ARHGEF10: variants seen among roughly 807,000 people sequenced by gnomAD.
The protein encoded by ARHGEF10 is Rho guanine nucleotide exchange factor 10.
In ARHGEF10, 140 loss-of-function variants were observed where a neutral mutation model predicts 147.4. That is an observed-to-expected ratio of 0.95 (90% CI 0.83 to 1.09). The LOEUF is 1.09. Ranked by LOEUF, ARHGEF10 falls within the 50% of genes least tolerant of loss-of-function variation. The pLI is 0.00. For synonymous variants in ARHGEF10, 902 were observed against 695.8 expected (o/e 1.30, Z -4.67); for missense variants, 2,222 against 1,752.7 (o/e 1.27, Z -4.78).
intron 21 of ARHGEF10, among the ~76,000 whole-genome samples, chr8:1,924,224 G>T (rs1227482585): frequency 6.6e-6 from 1 of 152,138 alleles, no homozygotes. Context: ...TGGCAGGGGG[G>T]TCATTGTTCC....
In ARHGEF10 at chr8:1,828,793, A is replaced by G. The variant is rs190542336; in HGVS notation, c.-48+4680A>G. On this transcript the variant is annotated intron_variant, in intron 1 of 28. Transcript: ENST00000349830. ...CACACTTACTGTTTTAAGGAATTAC[A>G]TTTTGATAAACCGTGGCATGCACAC... Among the ~76,000 whole-genome samples, 1,857 of 150,930 alleles carry G rather than the reference A, an allele frequency of 0.012. 27 individuals are homozygous for G. The East Asian group carries it at 0.13, about 10-fold the overall frequency.
At chr8:1,866,466 G>T in intron 5 of ARHGEF10, 60 bp from the exon 6 acceptor site, 1 of 1,454,472 alleles carries the variant, frequency 6.9e-7, no homozygotes, top group Non-Finnish European at 9.6e-7. Flanking sequence ...AGGGCAGTTG[G>T]CATCCTAGTG....
At chr8:1,930,644 C>T (rs955608194) in intron 25 of ARHGEF10, among the ~76,000 whole-genome samples, 6 of 152,168 alleles carry the variant, frequency 3.9e-5, no homozygotes, top group Non-Finnish European at 8.8e-5. Flanking sequence ...GAGTTCCTCC[C>T]TCCTTAGAAA....
chr8:1,912,951 G>T (rs1018590512), intron 18 of ARHGEF10, among the ~76,000 whole-genome samples: 1 of 152,156 alleles, frequency 6.6e-6, no homozygotes, highest in Non-Finnish European at 1.5e-5. Flanking sequence ...CCACCCGGCC[G>T]CTGTTCCTTC....
chr8:1,930,695 C>T (rs920347138), intron 25 of ARHGEF10, among the ~76,000 whole-genome samples: 2 of 152,232 alleles, frequency 1.3e-5, no homozygotes, highest in South Asian at 2.1e-4. Flanking sequence ...GTTATTTGCC[C>T]CCGGACTTTG....
In ARHGEF10 at chr8:1,880,225, G is replaced by A. The variant is rs529640361; in HGVS notation, c.960+61G>A. The A allele has an allele frequency of 6.5e-5, 78 of 1,205,952 alleles. No individual in the cohort carries two copies. In the East Asian group the frequency reaches 7.0e-4, roughly 11 times the overall value. 74.7% of individuals were successfully genotyped at this position (1,205,952 alleles called of 1,614,324 possible). ...CAGCCGGGCAGTAAAGAAAAACCGC[G>A]CGGCTCGGTCGGTCCTTGCTGTCTC... On this transcript the variant is annotated intron_variant, in intron 9 of 28. Coordinates refer to ENST00000349830, the MANE Select transcript of ARHGEF10 (RefSeq NM_014629.4).
intron 1 of ARHGEF10, among the ~76,000 whole-genome samples, chr8:1,842,764 A>C (rs1030381617): frequency 6.6e-6 from 1 of 152,150 alleles, no homozygotes. Context: ...TCTAGCTCAC[A>C]CTCAAACTGG....
At chr8:1,891,834 A>G (rs959609622) in intron 11 of ARHGEF10, among the ~76,000 whole-genome samples, 1 of 152,128 alleles carries the variant, frequency 6.6e-6, no homozygotes, top group Non-Finnish European at 1.5e-5. Context: ...TGCAGTAGCC[A>G]TGAAACCCAG....
At position 1,939,193 on chromosome 8, in the gene ARHGEF10, C is replaced by T. The variant is rs138001818; in HGVS notation, c.3222+5251C>T. ...CAGAATCACACAATTTCAAGGCAAA[C>T]GGAGACTTAGAGATCCTGTGGCCCA... On this transcript the variant is annotated intron_variant, in intron 26 of 28. Transcript: ENST00000349830. Among the ~76,000 whole-genome samples, 21 of 152,340 alleles carry T rather than the reference C, an allele frequency of 1.4e-4. No individual in the cohort carries two copies. The East Asian group carries it at 1.9e-3, about 14-fold the overall frequency.
At chr8:1,830,876 A>G (rs1469769916) in intron 1 of ARHGEF10, among the ~76,000 whole-genome samples, 1 of 152,224 alleles carries the variant, frequency 6.6e-6, no homozygotes, top group Non-Finnish European at 1.5e-5. Flanking sequence ...CATTGCCTGA[A>G]ATGCCACTGG....
rs537206657 is a variant in ARHGEF10, at chr8:1,928,668, C to T, written c.2921+18C>T. ...GAGGGAAGGTAGGGCATGCTCACTG[C>T]GTTACAGAGAATTAGCAAGCTCTGC... On this transcript the variant is annotated intron_variant, in intron 24 of 28. Coordinates refer to ENST00000349830, the MANE Select transcript of ARHGEF10 (RefSeq NM_014629.4). The T allele has an allele frequency of 9.3e-6, 15 of 1,612,422 alleles. No individual in the cohort carries two copies. The East Asian group carries it at 1.1e-4, about 12-fold the overall frequency.
intron 26 of ARHGEF10, among the ~76,000 whole-genome samples, chr8:1,942,756 A>G (rs1014001603): frequency 2.6e-5 from 4 of 152,228 alleles, no homozygotes; most frequent in Admixed American, 1.3e-4. Context: ...TTTCAGCCAT[A>G]GAAAGGAGTG....
rs1813748820 is a variant in ARHGEF10, at chr8:1,937,890, G to A, written c.3222+3948G>A. ...AAGGCACCTGAGGCTCTGAGGCTTC[G>A]GTGTTCCTGGAGTGACTGTGCCAGT... is the stretch of plus-strand genomic sequence containing the variant. On this transcript the variant is annotated intron_variant, in intron 26 of 28. Transcript: ENST00000349830. The surrounding 1 kb of genome is among the most constrained non-coding windows in gnomAD (Gnocchi z 4.9). Among the ~76,000 whole-genome samples, 1 of 152,200 alleles carries A rather than the reference G, an allele frequency of 6.6e-6. No individual in the cohort carries two copies. Among genetic ancestry groups the A allele is most frequent in the South Asian group, 2.1e-4 (1 of 4,832 alleles).
chr8:1,829,867 C>T (rs1293333543), intron 1 of ARHGEF10, among the ~76,000 whole-genome samples: 1 of 152,172 alleles, frequency 6.6e-6, no homozygotes, highest in Non-Finnish European at 1.5e-5. Context: ...CACCCTGCTC[C>T]TGGAATGGCG....
At chr8:1,898,327 C>G in intron 14 of ARHGEF10, 106 bp from the exon 15 acceptor site, 1 of 977,388 alleles carries the variant, frequency 1.0e-6, no homozygotes, top group Non-Finnish European at 1.6e-6. Flanking sequence ...AAGGTGCAGG[C>G]TTTTGACTTT....
intron 7 of ARHGEF10, among the ~76,000 whole-genome samples, chr8:1,873,037 C>A (rs1235322506): frequency 6.6e-6 from 1 of 152,210 alleles, no homozygotes; most frequent in African/African-American, 2.4e-5. Context: ...ACTCAGAAGC[C>A]AACACACTGC....
At chr8:1,896,290 C>T (rs1198965122) in intron 13 of ARHGEF10, 43 bp from the exon 14 acceptor site, 1 of 1,372,578 alleles carries the variant, frequency 7.3e-7, no homozygotes, top group Non-Finnish European at 1.0e-6. Flanking sequence ...AAAGGGATAT[C>T]TGGACTCTGT....
intron 1 of ARHGEF10, among the ~76,000 whole-genome samples, chr8:1,829,979 T>C (rs1372100560): frequency 6.6e-6 from 1 of 152,134 alleles, no homozygotes; most frequent in Non-Finnish European, 1.5e-5. Context: ...TAGGTAGCGG[T>C]AGCAAGAAGG....
intron 8 of ARHGEF10, among the ~76,000 whole-genome samples, chr8:1,877,940 C>T (rs969071793): frequency 1.3e-5 from 2 of 152,028 alleles, no homozygotes; most frequent in African/African-American, 4.8e-5. Context: ...TAGTAACCCC[C>T]AGTAAGCGGA....
Sources: gnomAD v4.1 joint callset for allele counts (sites outside exome capture counted in the v4.1 genomes callset) on GRCh38, gnomAD v4.1.1 for gene constraint, Gnocchi (gnomAD v3.1) non-coding constraint, MANE v1.5 for transcripts, NCBI Gene and HGNC (gene_info 2026-07-23, HGNC 2026-07-21) for gene names.